CAMSAP3: variants seen among roughly 807,000 people sequenced by gnomAD.
CAMSAP3 encodes calmodulin-regulated spectrin-associated protein 3.
Under a neutral mutation model 112.5 loss-of-function variants are expected in CAMSAP3, and 34 were observed. That is an observed-to-expected ratio of 0.30 (90% CI 0.23 to 0.40). The LOEUF (loss-of-function observed/expected upper bound fraction) is 0.40. Ranked by LOEUF, CAMSAP3 falls within the 10% of genes least tolerant of loss-of-function variation. The probability of loss-of-function intolerance (pLI) is 1.00; values close to 1 mark genes in which losing one functional copy is unlikely to be tolerated. For missense variants in CAMSAP3, 1,602 were observed against 1,770.3 expected (o/e 0.90, Z 1.71); for synonymous variants, 868 against 799.8 (o/e 1.09, Z -1.44).
intron 4 of CAMSAP3, 65 bp downstream of exon 4, chr19:7,606,636 GCTT>G: frequency 6.5e-7 from 1 of 1,529,550 alleles, no homozygotes; most frequent in Non-Finnish European, 8.8e-7. Context: ...GCAGGGCTGT[GCTT>G]CCTGGACACT....
chr19:7,603,069 TA>T (rs2030041550), intron 1 of CAMSAP3, among the ~76,000 whole-genome samples: 1 of 152,054 alleles, frequency 6.6e-6, no homozygotes, highest in Non-Finnish European at 1.5e-5. Flanking sequence ...AGTGTGGTTT[TA>T]GAAGGTGGGA....
chr19:7,614,088 C>G (rs1185412532), intron 11 of CAMSAP3, among the ~76,000 whole-genome samples: 5 of 151,652 alleles, frequency 3.3e-5, no homozygotes, highest in Non-Finnish European at 1.5e-5. Context: ...GGTGAAACTC[C>G]GTCTCTACTA....
In CAMSAP3 at chr19:7,605,259, A is replaced by G; in HGVS notation, c.182A>G (p.Tyr61Cys). ...CCCCCGGAGCTGTGGGAGCCCTTCT[A>G]TACCGACCAGTACGCGCAGGAGCAT... is the stretch of plus-strand genomic sequence containing the variant. ...HVPPELWEPF[Y>C]TDQYAQEHVK... Residue 61 changes from tyrosine to cysteine, a missense_variant, in exon 2 of 17, where the codon TAT becomes TGT. Coordinates refer to ENST00000160298, the MANE Select transcript of CAMSAP3 (RefSeq NM_020902.2). The G allele has an allele frequency of 6.2e-7, 1 of 1,600,076 alleles. No homozygotes were observed.
rs1294619199 is a variant in CAMSAP3, at chr19:7,618,163, G to A, written c.*106G>A. The A allele has an allele frequency of 3.1e-6, 4 of 1,297,444 alleles. No individual in the cohort carries two copies. The highest frequency in any genetic ancestry group is 4.2e-6 in the Non-Finnish European group (4 of 953,218). The allele number at this position is 1,297,444 out of a possible 1,614,324, so 80.4% of individuals were successfully genotyped here. Reference sequence around the variant, plus strand: ...GTCCTGTCTGTCCCCAACCGTGTCTGGGTGGGGCTGGAGTCTCCACCCTCT... The same window carrying A: ...GTCCTGTCTGTCCCCAACCGTGTCTAGGTGGGGCTGGAGTCTCCACCCTCT... On this transcript the variant is annotated 3_prime_UTR_variant, in exon 17 of 17. Transcript: ENST00000160298.
At chr19:7,605,514 C>T (rs766120701) in intron 2 of CAMSAP3, 35 bp downstream of exon 2, 20 of 1,435,904 alleles carry the variant, frequency 1.4e-5, no homozygotes, top group Non-Finnish European at 1.7e-5. Context: ...ACCACGCCTA[C>T]CATGCTCAGC....
rs1568450845 is a variant in CAMSAP3 at position 7,617,934 on chromosome 19, G to A, written c.3627G>A (p.Lys1209=). Residue 1209 remains lysine (K), a synonymous_variant, in exon 17 of 17, where the codon AAG becomes AAA. Transcript: ENST00000160298. The surrounding 1 kb of genome is among the most constrained non-coding windows in gnomAD (Gnocchi z 7.5). The stretch of plus-strand genomic sequence containing the variant: ...TCTACAAGTACAACTCGGACCGCAA[G>A]CGCTTCACCCAGATCCCCGCCAAGA... ...EGIYKYNSDR[K]RFTQIPAKTM... 1 of 1,614,126 alleles carries A rather than the reference G, an allele frequency of 6.2e-7. No homozygotes were observed. Among genetic ancestry groups the A allele is most frequent in the Non-Finnish European group, 8.5e-7 (1 of 1,180,022 alleles).
intron 14 of CAMSAP3, 135 bp downstream of exon 14, chr19:7,616,757 C>T (rs761744937): frequency 4.5e-5 from 29 of 648,636 alleles, no homozygotes; most frequent in African/African-American, 2.9e-4. Flanking sequence ...GATGGAGGGA[C>T]GCGTGTGGGC....
intron 1 of CAMSAP3, among the ~76,000 whole-genome samples, chr19:7,598,829 C>G (rs1413111543): frequency 6.6e-6 from 1 of 151,884 alleles, no homozygotes; most frequent in African/African-American, 2.4e-5. Context: ...GGAAAACACC[C>G]CATGCAGTTC....
rs2030719997 is a variant in CAMSAP3 at position 7,615,311 on chromosome 19, G to A, written c.2799G>A (p.Glu933=). Residue 933 remains glutamate, a synonymous_variant, in exon 12 of 17, where the codon GAG becomes GAA. Transcript: ENST00000160298. The surrounding 1 kb of genome is among the most constrained non-coding windows in gnomAD (Gnocchi z 6.5). ...WQEVEKEQRR[E]EAARLAQEEA... ...AGGTGGAGAAGGAACAGCGGAGGGAGGAGGCCGCGAGGTGAGGCCGGGCCT... is the reference window on the plus strand; with the variant it reads ...AGGTGGAGAAGGAACAGCGGAGGGAAGAGGCCGCGAGGTGAGGCCGGGCCT... 6 of 1,546,252 alleles carry A rather than the reference G, an allele frequency of 3.9e-6. No individual in the cohort carries two copies. The highest frequency in any genetic ancestry group is 5.2e-6 in the Non-Finnish European group (6 of 1,144,288).
At position 7,612,482 on chromosome 19, in the gene CAMSAP3, T is replaced by C. The variant is rs1259007849; in HGVS notation, c.1989T>C (p.Gly663=). Residue 663 remains glycine, a synonymous_variant, in exon 11 of 17, where the codon GGT becomes GGC. Coordinates refer to ENST00000160298, the MANE Select transcript of CAMSAP3 (RefSeq NM_020902.2). ...AGGCCGATTCCGGTCCAGTCCCTGG[T>C]GGGGAGCGGCCCGCAGGCGAGGGCC... The part of the protein sequence containing the change: ...AEEADSGPVP[G]GERPAGEGQG... 6 of 1,559,866 alleles carry C rather than the reference T, an allele frequency of 3.8e-6. No homozygotes were observed. The highest frequency in any genetic ancestry group is 5.2e-6 in the Non-Finnish European group (6 of 1,154,964).
chr19:7,600,938 C>G (rs1357478191), intron 1 of CAMSAP3, among the ~76,000 whole-genome samples: 1 of 151,492 alleles, frequency 6.6e-6, no homozygotes, highest in Non-Finnish European at 1.5e-5. Flanking sequence ...ATCCATCCAT[C>G]CATTCACCCA....
chr19:7,603,162 T>C (rs2030044946), intron 1 of CAMSAP3, among the ~76,000 whole-genome samples: 2 of 151,768 alleles, frequency 1.3e-5, no homozygotes, highest in South Asian at 4.2e-4. Flanking sequence ...TCAAATATGT[T>C]CTGAAGCACT....
At position 7,615,709 on chromosome 19, in the gene CAMSAP3, C is replaced by T. The variant is rs1006034831; in HGVS notation, c.3102C>T (p.Arg1034=). Residue 1034 remains arginine, a synonymous_variant, in exon 13 of 17, where the codon CGC becomes CGT. Transcript: ENST00000160298. The surrounding 1 kb of genome is among the most constrained non-coding windows in gnomAD (Gnocchi z 6.5). Reference sequence around the variant, plus strand: ...CAGCCCTGGCACGAAGCCCAGCCCGCGGCCTGCTGGGTGAGGACCCTTGGG... The same window carrying T: ...CAGCCCTGGCACGAAGCCCAGCCCGTGGCCTGCTGGGTGAGGACCCTTGGG... The part of the protein sequence containing the change: ...DDSALARSPA[R]GLLGSRLSKI... 3.4e-5 allele frequency: 48 copies of T among 1,402,688 alleles called. No individual in the cohort carries two copies. The highest frequency in any genetic ancestry group is 2.9e-4 in the African/African-American group (19 of 65,318). 86.9% of individuals were successfully genotyped at this position (1,402,688 alleles called of 1,614,324 possible).
intron 1 of CAMSAP3, among the ~76,000 whole-genome samples, chr19:7,603,121 G>T (rs1223048383): frequency 1.3e-5 from 2 of 152,124 alleles, no homozygotes; most frequent in African/African-American, 4.8e-5. Context: ...AGCCAAGAGT[G>T]CCTGGGTCCT....
intron 13 of CAMSAP3, among the ~76,000 whole-genome samples, chr19:7,616,100 T>C (rs1380991729): frequency 6.6e-6 from 1 of 151,436 alleles, no homozygotes; most frequent in Admixed American, 6.6e-5. Flanking sequence ...GGCAGGAGAA[T>C]CGCTTGAGCC....
chr19:7,609,535 C>T (rs1239125380), intron 5 of CAMSAP3, among the ~76,000 whole-genome samples: 3 of 151,920 alleles, frequency 2.0e-5, no homozygotes, highest in Non-Finnish European at 4.4e-5. Context: ...CAATAGTCAC[C>T]AACTTTTTGG....
rs749901321 is a variant in CAMSAP3 at position 7,617,466 on chromosome 19, G to A, written c.3325+28G>A. On this transcript the variant is annotated intron_variant, in intron 15 of 16. Coordinates refer to ENST00000160298, the MANE Select transcript of CAMSAP3 (RefSeq NM_020902.2). The surrounding 1 kb of genome is among the most constrained non-coding windows in gnomAD (Gnocchi z 7.5). ...AAGCAGGGGCTCTGGGTGATGTGAG[G>A]AGCAACAGGCACCCTCCTCCACAGC... 3 of 1,608,602 alleles carry A rather than the reference G, an allele frequency of 1.9e-6. No individual in the cohort carries two copies. In the Admixed American group the frequency reaches 5.0e-5, roughly 27 times the overall value.
At chr19:7,606,101 G>T (rs2030200941) in intron 2 of CAMSAP3, among the ~76,000 whole-genome samples, 170 bp from the exon 3 acceptor site, 1 of 151,682 alleles carries the variant, frequency 6.6e-6, no homozygotes, top group Non-Finnish European at 1.5e-5. Context: ...CCCATTTCTT[G>T]TTCCTTCCCT....
At position 7,617,034 on chromosome 19, in the gene CAMSAP3, C is replaced by A. The variant is rs111796800; in HGVS notation, c.3213-292C>A. Among the ~76,000 whole-genome samples the A allele has an allele frequency of 6.7e-6, 1 of 149,826 alleles. No homozygotes were observed. Among genetic ancestry groups the A allele is most frequent in the African/African-American group, 2.5e-5 (1 of 40,482 alleles). The stretch of plus-strand genomic sequence containing the variant: ...CGCAATCTTGGCTCACGGCAACCTC[C>A]GCCCCCTGGGTGCAAGTGATTCTCG... On this transcript the variant is annotated intron_variant, in intron 14 of 16. Transcript: ENST00000160298. The surrounding 1 kb of genome is among the most constrained non-coding windows in gnomAD (Gnocchi z 7.5).
Sources: gnomAD v4.1 joint callset for allele counts (sites outside exome capture counted in the v4.1 genomes callset) on GRCh38, gnomAD v4.1.1 for gene constraint, Gnocchi (gnomAD v3.1) non-coding constraint, MANE v1.5 for transcripts, NCBI Gene and HGNC (gene_info 2026-07-23, HGNC 2026-07-21) for gene names.